Variants in TYW3 observed in about 807,000 individuals in gnomAD.
The protein encoded by TYW3 is tRNA-yW synthesizing protein 3 homolog, also known as tRNA wybutosine-synthesizing protein 3 homolog.
A neutral mutation model predicts 23.1 loss-of-function variants in TYW3; 26 were observed. The observed-to-expected ratio is 1.13, with a 90% confidence interval of 0.83 to 1.56. The LOEUF (loss-of-function observed/expected upper bound fraction) is 1.56, where lower values mean the gene tolerates loss of function less well. Among genes scored for constraint, TYW3 ranks in the 40% most tolerant of loss-of-function variants. TYW3 has a pLI of 0.00. For missense variants in TYW3, 316 were observed against 311.9 expected (o/e 1.01, Z -0.10); for synonymous variants, 102 against 105.7 (o/e 0.97, Z 0.21).
intron 5 of TYW3, among the ~76,000 whole-genome samples, chr1:74,759,267 A>G (rs1372433110): frequency 6.6e-6 from 1 of 152,184 alleles, no homozygotes; most frequent in Non-Finnish European, 1.5e-5. Flanking sequence ...ACATGGCAGC[A>G]GGTTGGAAAT....
At chr1:74,759,950 T>C (rs1179760854) in intron 5 of TYW3, among the ~76,000 whole-genome samples, 1 of 152,178 alleles carries the variant, frequency 6.6e-6, no homozygotes. Flanking sequence ...GGCTGACATA[T>C]GACTTGACTC....
At chr1:74,739,998 C>T (rs541803316) in intron 3 of TYW3, among the ~76,000 whole-genome samples, 21 of 152,280 alleles carry the variant, frequency 1.4e-4, no homozygotes, top group African/African-American at 2.9e-4. Context: ...GTATGGTAGT[C>T]GCCTTTATCC....
chr1:74,747,913 G>T (rs912486018), intron 3 of TYW3, among the ~76,000 whole-genome samples: 1 of 151,118 alleles, frequency 6.6e-6, no homozygotes, highest in Non-Finnish European at 1.5e-5. Context: ...ATATACACAC[G>T]TATATACATA....
chr1:74,738,962 C>A (rs1160665044), intron 3 of TYW3, among the ~76,000 whole-genome samples, 174 bp downstream of exon 3: 1 of 152,048 alleles, frequency 6.6e-6, no homozygotes, highest in Non-Finnish European at 1.5e-5. Context: ...AAAAGAGTAG[C>A]TAATCATTGC....
At position 74,736,617 on chromosome 1, in the gene TYW3, G is replaced by A; in HGVS notation, c.250G>A (p.Asp84Asn). ...TACACACAAACTTTGTGTAAAAGATGATGTGGTAAGTTTTAAAAAATAAAT... is the reference window on the plus strand; with the variant it reads ...TACACACAAACTTTGTGTAAAAGATAATGTGGTAAGTTTTAAAAAATAAAT... ...LVTHKLCVKD[D>N]VIVALKKANG... The change falls in exon 2 of 6, where the codon GAT becomes AAT. Residue 84 changes from aspartate to asparagine, a missense_variant. By Grantham distance (23) the Asp-to-Asn change is conservative. Coordinates refer to ENST00000370867, the MANE Select transcript of TYW3 (RefSeq NM_138467.3). 1 of 1,590,644 alleles carries A rather than the reference G, an allele frequency of 6.3e-7. No homozygotes were observed. The highest frequency in any genetic ancestry group is 8.6e-7 in the Non-Finnish European group (1 of 1,169,178).
At chr1:74,756,493 C>A (rs1317938742) in intron 5 of TYW3, among the ~76,000 whole-genome samples, 1 of 152,142 alleles carries the variant, frequency 6.6e-6, no homozygotes, top group African/African-American at 2.4e-5. Flanking sequence ...TTTACCCCTG[C>A]CCTCGAGACT....
In TYW3 at chr1:74,744,607, C is replaced by T. The variant is rs562795297; in HGVS notation, c.355-4144C>T. Among the ~76,000 whole-genome samples the T allele has an allele frequency of 1.3e-4, 20 of 152,178 alleles. No individual in the cohort carries two copies. In the South Asian group the frequency reaches 1.5e-3, roughly 11 times the overall value. On this transcript the variant is annotated intron_variant, in intron 3 of 5. Coordinates refer to ENST00000370867, the MANE Select transcript of TYW3 (RefSeq NM_138467.3). Reference sequence around the variant, plus strand: ...CAATAGGCGATTGTCCCATCTGGGTCGCCAAAATGTGTCCCATCTGGGTCG... The same window carrying T: ...CAATAGGCGATTGTCCCATCTGGGTTGCCAAAATGTGTCCCATCTGGGTCG...
intron 5 of TYW3, 40 bp from the exon 6 acceptor site, chr1:74,763,854 A>G: frequency 6.6e-7 from 1 of 1,509,424 alleles, no homozygotes; most frequent in Non-Finnish European, 8.9e-7. Context: ...ATTTCGTTTC[A>G]GTACACACAG....
At chr1:74,743,907 T>C (rs1376626072) in intron 3 of TYW3, among the ~76,000 whole-genome samples, 1 of 152,160 alleles carries the variant, frequency 6.6e-6, no homozygotes, top group Non-Finnish European at 1.5e-5. Context: ...CTGTAGGACA[T>C]CTGTATACCT....
chr1:74,734,573 T>C (rs750541738), intron 1 of TYW3, among the ~76,000 whole-genome samples: 55 of 152,068 alleles, frequency 3.6e-4, no homozygotes, highest in Non-Finnish European at 6.3e-4. Context: ...GTCAGTGAAA[T>C]TGTGAAGTGA....
intron 4 of TYW3, chr1:74,750,328 CTGAGG>C (rs1648738114): frequency 6.6e-6 from 1 of 152,276 alleles, no homozygotes; most frequent in Non-Finnish European, 1.5e-5. Context: ...CTTTGGGAGG[CTGAGG>C]TGGGTGGATC....
At chr1:74,754,594 A>G (rs914574134) in intron 5 of TYW3, among the ~76,000 whole-genome samples, 1 of 152,212 alleles carries the variant, frequency 6.6e-6, no homozygotes, top group Non-Finnish European at 1.5e-5. Flanking sequence ...TTGGTTTGCC[A>G]TAGGACCAAA....
chr1:74,740,050 C>A (rs1648296839), intron 3 of TYW3, among the ~76,000 whole-genome samples: 1 of 152,178 alleles, frequency 6.6e-6, no homozygotes, highest in Non-Finnish European at 1.5e-5. Flanking sequence ...AGAATTGGTT[C>A]CTTCCAGTGG....
At position 74,738,719 on chromosome 1, in the gene TYW3, T is replaced by C. The variant is rs145813190; in HGVS notation, c.285T>C (p.Asp95=). The change falls in exon 3 of 6, where the codon GAT becomes GAC. Residue 95 remains aspartate (D), a synonymous_variant. Transcript: ENST00000370867. ...TAGCTCTGAAGAAAGCAAATGGTGA[T>C]GCCACTTTGAAATTTGAACCATTTG... ...VIVALKKANG[D]ATLKFEPFVL... 1 of 1,609,652 alleles carries C rather than the reference T, an allele frequency of 6.2e-7. No homozygotes were observed. Among genetic ancestry groups the C allele is most frequent in the South Asian group, 1.1e-5 (1 of 90,564 alleles).
At position 74,733,320 on chromosome 1, in the gene TYW3, G is replaced by A; in HGVS notation, c.76G>A (p.Val26Ile). 6.2e-7 allele frequency: 1 copy of A among 1,614,248 alleles called. No homozygotes were observed. Among genetic ancestry groups the A allele is most frequent in the Non-Finnish European group, 8.5e-7 (1 of 1,180,048 alleles). The change falls in exon 1 of 6, where the codon GTT becomes ATT. Residue 26 changes from valine to isoleucine, a missense_variant. By Grantham distance (29) the Val-to-Ile change is conservative. Transcript: ENST00000370867. ...SKADLSRKGS[V>I]DEDVVELVQF... is the part of the protein sequence containing the mutation. Reference sequence around the variant, plus strand: ...AGCGGACCTCAGCCGGAAGGGCAGTGTTGACGAGGATGTGGTAGAGCTTGT... The same window carrying A: ...AGCGGACCTCAGCCGGAAGGGCAGTATTGACGAGGATGTGGTAGAGCTTGT...
chr1:74,745,740 A>G (rs749429343), intron 3 of TYW3, among the ~76,000 whole-genome samples: 4 of 152,222 alleles, frequency 2.6e-5, no homozygotes, highest in Non-Finnish European at 5.9e-5. Context: ...TAACAATATA[A>G]CACAGACTGG....
chr1:74,751,829 C>G (rs1211975961), intron 4 of TYW3, among the ~76,000 whole-genome samples: 1 of 152,144 alleles, frequency 6.6e-6, no homozygotes, highest in African/African-American at 2.4e-5. Flanking sequence ...AACCCTAAAG[C>G]ATTGAGAAGC....
intron 4 of TYW3, 111 bp from the exon 5 acceptor site, chr1:74,752,181 T>G (rs1443341093): frequency 9.0e-7 from 1 of 1,109,220 alleles, no homozygotes; most frequent in African/African-American, 1.6e-5. Flanking sequence ...ACTTAACTGT[T>G]GTAATGGAAC....
At position 74,744,735 on chromosome 1, in the gene TYW3, G is replaced by T. The variant is rs187567822; in HGVS notation, c.355-4016G>T. ...CAAGAATGAAGTTGCAGACACTCAT[G>T]GTGAGTGTTACAGTTCTTAAAGATG... On this transcript the variant is annotated intron_variant, in intron 3 of 5. Coordinates refer to ENST00000370867, the MANE Select transcript of TYW3 (RefSeq NM_138467.3). Among the ~76,000 whole-genome samples, 143 of 152,272 alleles carry T rather than the reference G, an allele frequency of 9.4e-4. 1 individual carries two copies. Among genetic ancestry groups the T allele is most frequent in the African/African-American group, 3.3e-3 (138 of 41,552 alleles).
Sources: allele counts gnomAD v4.1 joint callset (sites outside exome capture counted in the v4.1 genomes callset), GRCh38; gene constraint gnomAD v4.1.1; transcripts MANE v1.5; gene names NCBI Gene and HGNC (gene_info 2026-07-23, HGNC 2026-07-21).